Variants in PTPRD observed in about 807,000 individuals in gnomAD.
PTPRD encodes the protein receptor-type tyrosine-protein phosphatase delta.
PTPRD carries 34 observed loss-of-function variants against 214.5 expected under a neutral mutation model. The ratio of observed to expected loss-of-function variants is 0.16; its 90% CI spans 0.12 to 0.21. PTPRD has a LOEUF of 0.21. Ranked by LOEUF, PTPRD falls within the 10% of genes least tolerant of loss-of-function variation. The probability of loss-of-function intolerance (pLI) is 1.00; values close to 1 mark genes in which losing one functional copy is unlikely to be tolerated. For missense variants in PTPRD, 2,545 were observed against 2,398.7 expected (o/e 1.06, Z -1.27); for synonymous variants, 1,128 against 845.7 (o/e 1.33, Z -5.79).
intron 7 of PTPRD, among the ~76,000 whole-genome samples, chr9:9,653,692 T>C (rs1272624014): frequency 6.6e-6 from 1 of 152,170 alleles, no homozygotes. Flanking sequence ...TGTTTGCTTA[T>C]AGAAATCCAG....
At chr9:8,490,074 T>C (rs2097119365) in intron 27 of PTPRD, among the ~76,000 whole-genome samples, 1 of 152,198 alleles carries the variant, frequency 6.6e-6, no homozygotes, top group Non-Finnish European at 1.5e-5. Context: ...AGCTGTTGGT[T>C]CAATGGTTCT....
intron 4 of PTPRD, among the ~76,000 whole-genome samples, chr9:9,951,197 T>A (rs1462992396): frequency 6.6e-6 from 1 of 152,132 alleles, no homozygotes; most frequent in African/African-American, 2.4e-5. Context: ...TTCTATTAAC[T>A]GAATTAGAAG....
chr9:9,613,309 T>A (rs1188384434), intron 7 of PTPRD, among the ~76,000 whole-genome samples: 1 of 151,962 alleles, frequency 6.6e-6, no homozygotes, highest in Non-Finnish European at 1.5e-5. Context: ...AAAAACGTCA[T>A]TCAATCAGTT....
At chr9:9,203,279 C>G (rs1032610850) in intron 9 of PTPRD, among the ~76,000 whole-genome samples, 1 of 151,878 alleles carries the variant, frequency 6.6e-6, no homozygotes, top group Admixed American at 6.6e-5. Flanking sequence ...ATATACTTTT[C>G]CCCCTTTTAT....
chr9:9,702,035 G>A (rs970756428), intron 7 of PTPRD, among the ~76,000 whole-genome samples: 1 of 152,076 alleles, frequency 6.6e-6, no homozygotes, highest in Non-Finnish European at 1.5e-5. Flanking sequence ...CAGGGGGATT[G>A]CTTGAACATG....
Position 8,528,535 on chromosome 9 carries a change from A to G in PTPRD, c.541+56T>C, listed in dbSNP as rs977291000. On this transcript the variant is annotated intron_variant, in intron 15 of 45. Transcript: ENST00000381196. ...ATTAAAATTAAAAATAAGGAGAGAGAAAAATTAAAAAAAAAAATTCTCTAG... is the reference window on the plus strand; with the variant it reads ...ATTAAAATTAAAAATAAGGAGAGAGGAAAATTAAAAAAAAAAATTCTCTAG... The G allele has an allele frequency of 3.4e-6, 5 of 1,457,010 alleles. No homozygotes were observed. In the African/African-American group the frequency reaches 7.4e-5, roughly 22 times the overall value. 90.3% of individuals were successfully genotyped at this position (1,457,010 alleles called of 1,614,324 possible). A position where few individuals can be genotyped will look rare whatever the true frequency, so the allele number is the denominator to read the frequency against.
In PTPRD at chr9:9,732,598, T is replaced by C. The variant is rs180843849; in HGVS notation, c.-287+1935A>G. Among the ~76,000 whole-genome samples, 12 of 152,232 alleles carry C rather than the reference T, an allele frequency of 7.9e-5. No homozygotes were observed. In the East Asian group the frequency reaches 2.1e-3, roughly 27 times the overall value. On this transcript the variant is annotated intron_variant, in intron 7 of 45. Coordinates refer to ENST00000381196, the MANE Select transcript of PTPRD (RefSeq NM_002839.4). Reference sequence around the variant, plus strand: ...GGACAGCTTTAGGATGGAAAAAGTATAGAGGACCTCTAGGATTTGTTATGA... The same window carrying C: ...GGACAGCTTTAGGATGGAAAAAGTACAGAGGACCTCTAGGATTTGTTATGA...
intron 31 of PTPRD, among the ~76,000 whole-genome samples, chr9:8,470,006 G>A (rs1426382555): frequency 1.3e-5 from 2 of 152,064 alleles, no homozygotes; most frequent in Non-Finnish European, 2.9e-5. Context: ...TGCTCTGTTT[G>A]TACTAATTTG....
At position 9,629,226 on chromosome 9, in the gene PTPRD, A is replaced by ATG. The variant is rs1003113739; in HGVS notation, c.-286-54447_-286-54446dup. 1.1e-3 allele frequency among the ~76,000 whole-genome samples: 148 copies of ATG among 134,812 alleles called. No homozygotes were observed. In the Middle Eastern group the frequency reaches 0.012, roughly 11 times the overall value. 88.4% of individuals were successfully genotyped at this position (134,812 alleles called of 152,430 possible). ...AAATGAAAATTCTGGGGAGATATAT[A>ATG]TGTGTGTGTGTGTATATATATATAT... On this transcript the variant is annotated intron_variant, in intron 7 of 45. Coordinates refer to ENST00000381196, the MANE Select transcript of PTPRD (RefSeq NM_002839.4).
intron 11 of PTPRD, among the ~76,000 whole-genome samples, chr9:8,809,781 A>C (rs2096763402): frequency 6.6e-6 from 1 of 152,222 alleles, no homozygotes. Flanking sequence ...CAGCCTGATA[A>C]TTTGATATGA....
At chr9:8,646,484 C>T (rs72700308) in intron 12 of PTPRD, among the ~76,000 whole-genome samples, 23,509 of 152,090 alleles carry the variant, frequency 0.15, 2,247 homozygotes, top group African/African-American at 0.26. Flanking sequence ...CCATTGCCCA[C>T]GGAGAACCTA....
intron 9 of PTPRD, among the ~76,000 whole-genome samples, chr9:9,205,398 T>A (rs1320735289): frequency 6.6e-6 from 1 of 152,196 alleles, no homozygotes; most frequent in Non-Finnish European, 1.5e-5. Flanking sequence ...GGGAGCATGA[T>A]CATGTATATC....
intron 12 of PTPRD, among the ~76,000 whole-genome samples, chr9:8,675,792 C>T (rs139795784): frequency 3.6e-4 from 55 of 152,256 alleles, no homozygotes; most frequent in African/African-American, 1.3e-3. Flanking sequence ...CCTTCTACAA[C>T]CAGGGCAATT....
At chr9:9,943,492 A>G (rs1037119148) in intron 4 of PTPRD, among the ~76,000 whole-genome samples, 1 of 152,216 alleles carries the variant, frequency 6.6e-6, no homozygotes, top group Non-Finnish European at 1.5e-5. Context: ...ATGTTATTGA[A>G]CAAATCAACA....
intron 12 of PTPRD, among the ~76,000 whole-genome samples, chr9:8,703,808 T>G (rs1021690432): frequency 6.6e-6 from 1 of 152,166 alleles, no homozygotes; most frequent in Non-Finnish European, 1.5e-5. Context: ...AAGTATCAAA[T>G]TGCTTATTTG....
chr9:9,314,943 C>A (rs1316185134), intron 9 of PTPRD, among the ~76,000 whole-genome samples: 2 of 151,948 alleles, frequency 1.3e-5, no homozygotes, highest in Non-Finnish European at 2.9e-5. Context: ...TTTACTTTGT[C>A]AATCTCAGCA....
At chr9:8,513,658 A>G (rs2097726034) in intron 21 of PTPRD, among the ~76,000 whole-genome samples, 1 of 152,078 alleles carries the variant, frequency 6.6e-6, no homozygotes. Context: ...ATATCTCATA[A>G]TGGTTATCGT....
intron 7 of PTPRD, among the ~76,000 whole-genome samples, chr9:9,675,415 G>C (rs1027803031): frequency 6.6e-6 from 1 of 151,324 alleles, no homozygotes; most frequent in Non-Finnish European, 1.5e-5. Flanking sequence ...GAAATAAATA[G>C]AAAACAATAA....
At chr9:9,479,866 T>C (rs1228465104) in intron 8 of PTPRD, among the ~76,000 whole-genome samples, 3 of 152,182 alleles carry the variant, frequency 2.0e-5, no homozygotes, top group Admixed American at 1.3e-4. Flanking sequence ...CTAATGAAGA[T>C]GGCTGCAGGC....
Sources: gnomAD v4.1 joint callset for allele counts (sites outside exome capture counted in the v4.1 genomes callset) on GRCh38, gnomAD v4.1.1 for gene constraint, MANE v1.5 for transcripts, NCBI Gene and HGNC (gene_info 2026-07-23, HGNC 2026-07-21) for gene names.